The following PDSS2 variants were observed in gnomAD, a reference collection of about 807,000 sequenced individuals.
PDSS2 encodes the protein all trans-polyprenyl-diphosphate synthase PDSS2.
PDSS2 carries 31 observed loss-of-function variants against 44.5 expected under a neutral mutation model. The ratio of observed to expected loss-of-function variants is 0.70; its 90% CI spans 0.52 to 0.94. The LOEUF is 0.94. Among genes scored for constraint, PDSS2 ranks in the 40% least tolerant of loss-of-function variants. The pLI is 0.00. For synonymous variants in PDSS2, 157 were observed against 180.3 expected, an observed-to-expected ratio of 0.87 and a Z score of 1.03; for missense variants, 452 against 482.2, an observed-to-expected ratio of 0.94 and a Z score of 0.59.
intron 2 of PDSS2, among the ~76,000 whole-genome samples, chr6:107,277,000 A>C (rs1449324604): frequency 6.6e-6 from 1 of 152,202 alleles, no homozygotes; most frequent in Non-Finnish European, 1.5e-5. Flanking sequence ...CAGAATTATG[A>C]GAAATAAGTT....
At chr6:107,256,484 A>T (rs1208782766) in intron 3 of PDSS2, among the ~76,000 whole-genome samples, 1 of 152,128 alleles carries the variant, frequency 6.6e-6, no homozygotes, top group African/African-American at 2.4e-5. Flanking sequence ...GGGCCACACT[A>T]AAAGGCAGGT....
At chr6:107,203,093 C>A (rs908444127) in intron 6 of PDSS2, among the ~76,000 whole-genome samples, 4 of 152,168 alleles carry the variant, frequency 2.6e-5, no homozygotes, top group African/African-American at 9.7e-5. Context: ...TTAAGGAAAT[C>A]AGGCTAATAG....
At chr6:107,443,975 C>T (rs192512665) in intron 1 of PDSS2, among the ~76,000 whole-genome samples, 3 of 152,282 alleles carry the variant, frequency 2.0e-5, no homozygotes, top group African/African-American at 2.4e-5. Context: ...CTGTTCTAAG[C>T]ACTTTACCCA....
chr6:107,437,099 G>A lies in PDSS2; in HGVS notation c.296+21891C>T, dbSNP rs536388388. ...ACTGCACCCTTCAACTCCTGGCCTC[G>A]AGCCATTCTCCCACCTCAGCCTCCT... On this transcript the variant is annotated intron_variant, in intron 1 of 7. Transcript: ENST00000369037. 3.9e-5 allele frequency among the ~76,000 whole-genome samples: 6 copies of A among 152,024 alleles called. No individual in the cohort carries two copies. In the South Asian group the frequency reaches 1.0e-3, roughly 26 times the overall value.
chr6:107,355,283 T>C (rs1562483470), intron 1 of PDSS2, among the ~76,000 whole-genome samples: 1 of 152,190 alleles, frequency 6.6e-6, no homozygotes, highest in Non-Finnish European at 1.5e-5. Context: ...TGTGTAACAA[T>C]CCATGATGGA....
intron 1 of PDSS2, among the ~76,000 whole-genome samples, chr6:107,458,077 G>A (rs1481296622): frequency 6.6e-6 from 1 of 152,072 alleles, no homozygotes; most frequent in East Asian, 1.9e-4. Flanking sequence ...CTACGTAGCA[G>A]GTGGATCTGA....
chr6:107,369,362 G>A (rs1360872269), intron 1 of PDSS2, among the ~76,000 whole-genome samples: 1 of 152,124 alleles, frequency 6.6e-6, no homozygotes, highest in East Asian at 1.9e-4. Context: ...AATTTGCAGT[G>A]AGCTGAGATT....
chr6:107,397,340 G>A (rs1016166563), intron 1 of PDSS2, among the ~76,000 whole-genome samples: 8 of 152,110 alleles, frequency 5.3e-5, no homozygotes, highest in African/African-American at 1.9e-4. Flanking sequence ...TCAAGGCAGT[G>A]GCACCCAATG....
chr6:107,361,574 G>A (rs955079497), intron 1 of PDSS2, among the ~76,000 whole-genome samples: 1 of 151,806 alleles, frequency 6.6e-6, no homozygotes, highest in Non-Finnish European at 1.5e-5. Flanking sequence ...ATTAAACTAC[G>A]CCCCTACCAC....
chr6:107,177,185 C>T (rs1771823699), intron 7 of PDSS2, among the ~76,000 whole-genome samples: 1 of 140,230 alleles, frequency 7.1e-6, no homozygotes, highest in Admixed American at 7.7e-5. Context: ...GGCTGGAGTG[C>T]AGTGTTGCAA....
At chr6:107,437,753 T>G (rs1002517769) in intron 1 of PDSS2, among the ~76,000 whole-genome samples, 1 of 152,100 alleles carries the variant, frequency 6.6e-6, no homozygotes. Flanking sequence ...TATAAGTAGA[T>G]AGATCTGCAC....
Position 107,171,805 on chromosome 6 carries a change from C to T in PDSS2, c.1042-17028G>A, listed in dbSNP as rs145718349. 9.5e-4 allele frequency among the ~76,000 whole-genome samples: 145 copies of T among 152,216 alleles called. 2 individuals carry two copies. Among genetic ancestry groups the T allele is most frequent in the African/African-American group, 3.2e-3 (135 of 41,540 alleles). Reference sequence around the variant, plus strand: ...CCTCCCAAGGAGCTGGGATTACAGGCGTGAGGCACTGCACTCAGCCTAAAA... The same window carrying T: ...CCTCCCAAGGAGCTGGGATTACAGGTGTGAGGCACTGCACTCAGCCTAAAA... On this transcript the variant is annotated intron_variant, in intron 7 of 7. Transcript: ENST00000369037.
intron 1 of PDSS2, among the ~76,000 whole-genome samples, chr6:107,397,728 T>A (rs1323043446): frequency 6.6e-6 from 1 of 152,206 alleles, no homozygotes; most frequent in Non-Finnish European, 1.5e-5. Flanking sequence ...AATAACAGTA[T>A]TTGTTGCCAA....
intron 7 of PDSS2, among the ~76,000 whole-genome samples, chr6:107,160,605 C>T (rs1169273888): frequency 2.6e-5 from 4 of 151,950 alleles, no homozygotes; most frequent in East Asian, 1.9e-4. Context: ...TCCTGCCCCT[C>T]GCCTCCCAAA....
intron 1 of PDSS2, among the ~76,000 whole-genome samples, chr6:107,417,874 A>T (rs1044940342): frequency 1.3e-5 from 2 of 152,142 alleles, no homozygotes; most frequent in African/African-American, 4.8e-5. Context: ...TAAACATTCA[A>T]CAGGGTAAAG....
intron 2 of PDSS2, among the ~76,000 whole-genome samples, chr6:107,324,436 T>C (rs1054588857): frequency 2.0e-5 from 3 of 152,240 alleles, no homozygotes; most frequent in African/African-American, 7.2e-5. Flanking sequence ...AAGATACGTT[T>C]CTTAAATAGG....
chr6:107,302,479 GC>G (rs1479146852), intron 2 of PDSS2, among the ~76,000 whole-genome samples: 21 of 151,908 alleles, frequency 1.4e-4, no homozygotes, highest in Non-Finnish European at 2.5e-4. Context: ...TGTTGCCGAG[GC>G]TGGTTTCAAA....
At chr6:107,232,681 C>T (rs1181191798) in intron 4 of PDSS2, among the ~76,000 whole-genome samples, 1 of 152,126 alleles carries the variant, frequency 6.6e-6, no homozygotes, top group African/African-American at 2.4e-5. Context: ...GATGTGAGCT[C>T]CATGGGGGCA....
At chr6:107,234,522 GA>G (rs1309032872) in intron 4 of PDSS2, among the ~76,000 whole-genome samples, 2 of 122,258 alleles carry the variant, frequency 1.6e-5, no homozygotes, top group Non-Finnish European at 3.5e-5. Flanking sequence ...TATCTTACTA[GA>G]TTTTTTTTTT....
Sources: allele counts gnomAD v4.1 joint callset (sites outside exome capture counted in the v4.1 genomes callset), GRCh38; gene constraint gnomAD v4.1.1; transcripts MANE v1.5; gene names NCBI Gene and HGNC (gene_info 2026-07-23, HGNC 2026-07-21).